Variants in CADPS2 observed in about 807,000 individuals in gnomAD.
CADPS2 encodes the protein calcium dependent secretion activator 2.
Under a neutral mutation model 172.5 loss-of-function variants are expected in CADPS2, and 93 were observed. The ratio of observed to expected loss-of-function variants is 0.54; its 90% CI spans 0.46 to 0.64. The LOEUF is 0.64. Ranked by LOEUF, CADPS2 falls within the 30% of genes least tolerant of loss-of-function variation. The pLI, the probability that CADPS2 is intolerant of heterozygous loss-of-function variation, is 0.00. For missense variants in CADPS2, 1,420 were observed against 1,565.9 expected (o/e 0.91, Z 1.57); for synonymous variants, 546 against 555.2 (o/e 0.98, Z 0.23).
At chr7:122,341,373 T>C (rs1294924237) in intron 28 of CADPS2, among the ~76,000 whole-genome samples, 1 of 152,114 alleles carries the variant, frequency 6.6e-6, no homozygotes, top group African/African-American at 2.4e-5. Context: ...ATTGCTAACA[T>C]TAAAACTAAA....
At chr7:122,731,365 G>C (rs1416802165) in intron 2 of CADPS2, among the ~76,000 whole-genome samples, 1 of 151,804 alleles carries the variant, frequency 6.6e-6, no homozygotes, top group South Asian at 2.1e-4. Flanking sequence ...ATCTACAAGA[G>C]AAAGACCATT....
chr7:122,816,839 C>A (rs1801566925), intron 1 of CADPS2, among the ~76,000 whole-genome samples: 1 of 151,974 alleles, frequency 6.6e-6, no homozygotes, highest in Admixed American at 6.5e-5. Flanking sequence ...ATATGCCCTG[C>A]CCCACCTTAA....
intron 1 of CADPS2, chr7:122,850,319 G>A: frequency 2.1e-6 from 1 of 484,416 alleles, no homozygotes; most frequent in South Asian, 4.3e-5. Flanking sequence ...CTCCTCCAAT[G>A]CAGACATGGA....
At position 122,736,001 on chromosome 7, in the gene CADPS2, G is replaced by T. The variant is rs549385014; in HGVS notation, c.453+954C>A. Among the ~76,000 whole-genome samples, 8 of 152,194 alleles carry T rather than the reference G, an allele frequency of 5.3e-5. No homozygotes were observed. The East Asian group carries it at 1.5e-3, about 29-fold the overall frequency. On this transcript the variant is annotated intron_variant, in intron 2 of 29. Coordinates refer to ENST00000449022, the MANE Select transcript of CADPS2 (RefSeq NM_017954.11). Reference sequence around the variant, plus strand: ...GATATTCTGAGACAAGGTCCAGTTGGACATACCCACTCTTGACATTAGATT... The same window carrying T: ...GATATTCTGAGACAAGGTCCAGTTGTACATACCCACTCTTGACATTAGATT...
rs181444145 is a variant in CADPS2, at chr7:122,386,930, C to G, written c.3312+96G>C. On this transcript the variant is annotated intron_variant, in intron 24 of 29. Coordinates refer to ENST00000449022, the MANE Select transcript of CADPS2 (RefSeq NM_017954.11). ...AACGTTTGGTGCTAGAGAACTTGGTCTTTTCAATCCAATCAAGAGAATGCC... is the reference window on the plus strand; with the variant it reads ...AACGTTTGGTGCTAGAGAACTTGGTGTTTTCAATCCAATCAAGAGAATGCC... 3 of 1,316,672 alleles carry G rather than the reference C, an allele frequency of 2.3e-6. No homozygotes were observed. The African/African-American group carries it at 4.5e-5, about 20-fold the overall frequency. The allele number at this position is 1,316,672 out of a possible 1,614,324, so 81.6% of individuals were successfully genotyped here.
intron 28 of CADPS2, among the ~76,000 whole-genome samples, 166 bp from the exon 29 acceptor site, chr7:122,325,747 T>C (rs1340354664): frequency 6.6e-6 from 1 of 152,156 alleles, no homozygotes; most frequent in Non-Finnish European, 1.5e-5. Flanking sequence ...AACAGAATTG[T>C]ATGCTTTGCT....
intron 2 of CADPS2, among the ~76,000 whole-genome samples, chr7:122,696,614 T>A (rs1234558387): frequency 6.6e-6 from 1 of 152,148 alleles, no homozygotes; most frequent in East Asian, 1.9e-4. Context: ...TAGGTCACCC[T>A]CCAAGGCTGC....
chr7:122,683,498 T>C (rs878967959), intron 2 of CADPS2, among the ~76,000 whole-genome samples: 4 of 152,214 alleles, frequency 2.6e-5, no homozygotes, highest in Admixed American at 2.6e-4. Flanking sequence ...AAAAATACTT[T>C]TTGTTTCGTA....
At chr7:122,726,200 G>A (rs1220921900) in intron 2 of CADPS2, among the ~76,000 whole-genome samples, 1 of 151,844 alleles carries the variant, frequency 6.6e-6, no homozygotes, top group African/African-American at 2.4e-5. Flanking sequence ...CTTGACAACT[G>A]TAAGGGGGAC....
At chr7:122,801,004 A>G (rs1797520723) in intron 1 of CADPS2, among the ~76,000 whole-genome samples, 1 of 149,096 alleles carries the variant, frequency 6.7e-6, no homozygotes, top group Non-Finnish European at 1.5e-5. Context: ...AAAAAAAAAA[A>G]AAAAGAAAAT....
Position 122,465,160 on chromosome 7 carries a change from G to T in CADPS2, c.2186+6215C>A, listed in dbSNP as rs532311318. Among the ~76,000 whole-genome samples, 4 of 152,092 alleles carry T rather than the reference G, an allele frequency of 2.6e-5. No individual in the cohort carries two copies. The South Asian group carries it at 8.3e-4, about 32-fold the overall frequency. On this transcript the variant is annotated intron_variant, in intron 14 of 29. Coordinates refer to ENST00000449022, the MANE Select transcript of CADPS2 (RefSeq NM_017954.11). Reference sequence around the variant, plus strand: ...AATGAACAATATTAGACTGAGGAAGGGAAGAATTGTAGATCGAGCAAAAAA... The same window carrying T: ...AATGAACAATATTAGACTGAGGAAGTGAAGAATTGTAGATCGAGCAAAAAA...
intron 9 of CADPS2, among the ~76,000 whole-genome samples, chr7:122,505,399 T>C (rs1430485250): frequency 6.6e-6 from 1 of 152,162 alleles, no homozygotes; most frequent in East Asian, 1.9e-4. Context: ...TAAGTACCAA[T>C]TTAACAAGTC....
chr7:122,681,185 A>G (rs1477804934), intron 2 of CADPS2: 3 of 591,112 alleles, frequency 5.1e-6, no homozygotes, highest in African/African-American at 3.8e-5. Flanking sequence ...GCTAGATGAC[A>G]AGTTAGTGGG....
chr7:122,414,729 A>C (rs2151744201), intron 18 of CADPS2, among the ~76,000 whole-genome samples: 1 of 152,358 alleles, frequency 6.6e-6, no homozygotes, highest in South Asian at 2.1e-4. Flanking sequence ...TCATATTTAT[A>C]ACCAGATACA....
chr7:122,735,846 T>C (rs1313926009), intron 2 of CADPS2, among the ~76,000 whole-genome samples: 1 of 152,188 alleles, frequency 6.6e-6, no homozygotes, highest in Non-Finnish European at 1.5e-5. Flanking sequence ...GAGGCAAATA[T>C]AGAAATTTAC....
intron 1 of CADPS2, among the ~76,000 whole-genome samples, chr7:122,811,454 A>G (rs1800002798): frequency 6.6e-6 from 1 of 152,334 alleles, no homozygotes; most frequent in East Asian, 1.9e-4. Context: ...AGTAAATTGA[A>G]TATCTGGATA....
chr7:122,357,289 G>A (rs1019504415), intron 27 of CADPS2: 2 of 152,004 alleles, frequency 1.3e-5, no homozygotes, highest in African/African-American at 4.8e-5. Context: ...GTTAAACTGT[G>A]GAGAAAAACT....
intron 1 of CADPS2, among the ~76,000 whole-genome samples, chr7:122,844,691 A>AGGGGCTCG (rs1811489147): frequency 6.6e-6 from 1 of 152,226 alleles, no homozygotes. Flanking sequence ...TCAGGGGCTC[A>AGGGGCTCG]GGTATAATGT....
rs184472104 is a variant in CADPS2 at position 122,727,768 on chromosome 7, A to C, written c.453+9187T>G. 1.6e-4 allele frequency among the ~76,000 whole-genome samples: 25 copies of C among 152,086 alleles called. 2 individuals are homozygous for C. The East Asian group carries it at 4.9e-3, about 30-fold the overall frequency. On this transcript the variant is annotated intron_variant, in intron 2 of 29. Transcript: ENST00000449022. ...CAGAAACCCAGATATTGTATACAACAATAGGAATCTCAGACATGAAAACAC... is the reference window on the plus strand; with the variant it reads ...CAGAAACCCAGATATTGTATACAACCATAGGAATCTCAGACATGAAAACAC...
Sources: allele counts gnomAD v4.1 joint callset (sites outside exome capture counted in the v4.1 genomes callset), GRCh38; gene constraint gnomAD v4.1.1; transcripts MANE v1.5; gene names NCBI Gene and HGNC (gene_info 2026-07-23, HGNC 2026-07-21).